The following RIMS1 variants were observed in gnomAD, a reference collection of about 807,000 sequenced individuals.
RIMS1 encodes the protein regulating synaptic membrane exocytosis protein 1.
In RIMS1, 83 loss-of-function variants were observed where a neutral mutation model predicts 214.1. The observed-to-expected ratio is 0.39, with a 90% confidence interval of 0.32 to 0.47. The LOEUF (loss-of-function observed/expected upper bound fraction) is 0.47. RIMS1 is among the 20% of genes least tolerant of loss of function. The pLI, the probability that RIMS1 is intolerant of heterozygous loss-of-function variation, is 0.99. For missense variants in RIMS1, 2,050 were observed against 2,161.8 expected (o/e 0.95, Z 1.03); for synonymous variants, 793 against 786.8 (o/e 1.01, Z -0.13).
At chr6:72,050,802 A>C (rs1188538471) in intron 2 of RIMS1, among the ~76,000 whole-genome samples, 2 of 152,120 alleles carry the variant, frequency 1.3e-5, no homozygotes, top group South Asian at 4.1e-4. Context: ...AGAAGCCTCT[A>C]TGGGAACCTG....
chr6:71,914,204 G>C (rs1777706168), intron 1 of RIMS1, among the ~76,000 whole-genome samples: 1 of 152,116 alleles, frequency 6.6e-6, no homozygotes, highest in Admixed American at 6.6e-5. Context: ...GTACCAGGCA[G>C]ATTATGCTTC....
intron 4 of RIMS1, among the ~76,000 whole-genome samples, chr6:72,105,703 A>T (rs928777670): frequency 2.0e-5 from 3 of 152,188 alleles, no homozygotes; most frequent in African/African-American, 7.2e-5. Context: ...GTATAACTAT[A>T]ATGCTATGTT....
chr6:71,946,005 A>G (rs190900017), intron 1 of RIMS1, among the ~76,000 whole-genome samples: 2 of 152,248 alleles, frequency 1.3e-5, no homozygotes, highest in Admixed American at 1.3e-4. Flanking sequence ...AATTGAGTAG[A>G]GTTACCTGAT....
chr6:72,270,916 T>C (rs1158564370), intron 22 of RIMS1, among the ~76,000 whole-genome samples: 1 of 152,068 alleles, frequency 6.6e-6, no homozygotes, highest in African/African-American at 2.4e-5. Context: ...GGAAAGGAGG[T>C]TCCTACCTAA....
Position 72,240,656 on chromosome 6 carries a change from G to C in RIMS1, c.1958-1658G>C, listed in dbSNP as rs1195051519. 6.2e-4 allele frequency among the ~76,000 whole-genome samples: 56 copies of C among 89,790 alleles called. 1 individual carries two copies. Among genetic ancestry groups the C allele is most frequent in the Admixed American group, 1.5e-3 (10 of 6,548 alleles). 58.9% of individuals were successfully genotyped at this position (89,790 alleles called of 152,430 possible). A position where few individuals can be genotyped will look rare whatever the true frequency, so the allele number is the denominator to read the frequency against. The stretch of plus-strand genomic sequence containing the variant: ...TTTTTTTTTTTTTTTTTTTTTTACA[G>C]TGAAGTATATTCATTGCCTATTTGA... On this transcript the variant is annotated intron_variant, in intron 9 of 33. Transcript: ENST00000521978.
chr6:72,383,950 AAACC>A (rs1279129495), intron 29 of RIMS1, among the ~76,000 whole-genome samples: 2 of 152,214 alleles, frequency 1.3e-5, no homozygotes, highest in Non-Finnish European at 2.9e-5. Context: ...GTGAGTTAAC[AAACC>A]ATTATTGCAT....
At chr6:72,240,236 C>T (rs530062018) in intron 9 of RIMS1, among the ~76,000 whole-genome samples, 5 of 152,104 alleles carry the variant, frequency 3.3e-5, no homozygotes, top group African/African-American at 1.2e-4. Flanking sequence ...TGTAAATAAA[C>T]GTATGTATTA....
intron 23 of RIMS1, among the ~76,000 whole-genome samples, chr6:72,276,756 T>C (rs768015289): frequency 1.3e-5 from 2 of 152,170 alleles, no homozygotes; most frequent in African/African-American, 4.8e-5. Flanking sequence ...AAATGAGAGA[T>C]AAATTATGTC....
chr6:72,400,997 A>G lies in RIMS1; in HGVS notation c.*283A>G, dbSNP rs140634975. On this transcript the variant is annotated 3_prime_UTR_variant, in exon 34 of 34. Transcript: ENST00000521978. ...AAACTTTAAATCCACGCATACACGT[A>G]CACACACACATGCACACACACACAC... 745 of 363,854 alleles carry G rather than the reference A, an allele frequency of 2.0e-3. 2 individuals are homozygous for G. The highest frequency in any genetic ancestry group is 3.3e-3 in the Non-Finnish European group (637 of 194,206). 22.5% of individuals were successfully genotyped at this position (363,854 alleles called of 1,614,324 possible). A position where few individuals can be genotyped will look rare whatever the true frequency, so the allele number is the denominator to read the frequency against.
At chr6:72,328,605 G>GTATAC (rs973051838) in intron 28 of RIMS1, among the ~76,000 whole-genome samples, 1 of 151,452 alleles carries the variant, frequency 6.6e-6, no homozygotes, top group Admixed American at 6.6e-5. Flanking sequence ...CTATCCCTAT[G>GTATAC]GTATACACAA....
chr6:72,126,975 ATGCATAATTTTGAGAATGAAGATCCAGTT>A (rs1483226464), intron 4 of RIMS1, among the ~76,000 whole-genome samples: 11 of 152,194 alleles, frequency 7.2e-5, no homozygotes, highest in African/African-American at 2.4e-4. Flanking sequence ...ATACACGCAC[ATGCATAATTTTGAGAATGAAGATCCAGTT>A]TGCATAATTT....
chr6:71,984,759 A>C (rs1382091890), intron 2 of RIMS1, among the ~76,000 whole-genome samples: 5 of 138,818 alleles, frequency 3.6e-5, no homozygotes, highest in Middle Eastern at 7.2e-3. Flanking sequence ...GTATGTATGT[A>C]TGTATGTATG....
At chr6:72,222,201 T>C (rs964568696) in intron 6 of RIMS1, among the ~76,000 whole-genome samples, 1 of 152,096 alleles carries the variant, frequency 6.6e-6, no homozygotes, top group Non-Finnish European at 1.5e-5. Context: ...TCAGTGCTAA[T>C]GGTTTGCAAT....
intron 4 of RIMS1, among the ~76,000 whole-genome samples, chr6:72,130,196 C>A (rs1356314867): frequency 1.3e-5 from 2 of 152,118 alleles, no homozygotes; most frequent in Non-Finnish European, 2.9e-5. Context: ...TGAGCCCAAA[C>A]TCTCTGACTA....
In RIMS1 at chr6:71,948,264, T is replaced by A. The variant is rs756058353; in HGVS notation, c.165-20719T>A. ...ATCATTAGTGTTGTTCATCAGATAT[T>A]TTTGGTTTTCTTTCTTCTGTGCACT... is the stretch of plus-strand genomic sequence containing the variant. On this transcript the variant is annotated intron_variant, in intron 1 of 33. Transcript: ENST00000521978. Among the ~76,000 whole-genome samples the A allele has an allele frequency of 6.6e-5, 10 of 152,282 alleles. No individual in the cohort carries two copies. The South Asian group carries it at 2.1e-3, about 32-fold the overall frequency.
intron 6 of RIMS1, among the ~76,000 whole-genome samples, chr6:72,219,595 A>C (rs1461362267): frequency 6.6e-6 from 1 of 152,084 alleles, no homozygotes; most frequent in Non-Finnish European, 1.5e-5. Flanking sequence ...TGATATAATG[A>C]CTGGTGAGTT....
At chr6:72,035,851 A>G (rs559530186) in intron 2 of RIMS1, among the ~76,000 whole-genome samples, 30 of 152,170 alleles carry the variant, frequency 2.0e-4, no homozygotes, top group Non-Finnish European at 4.0e-4. Flanking sequence ...CACAGGGGAA[A>G]CTGATGTATT....
In RIMS1 at chr6:72,226,428, C is replaced by A. The variant is rs538111117; in HGVS notation, c.1679-7345C>A. Among the ~76,000 whole-genome samples the A allele has an allele frequency of 2.6e-5, 4 of 152,064 alleles. No individual in the cohort carries two copies. In the South Asian group the frequency reaches 8.3e-4, roughly 32 times the overall value. ...ATCGATTACCCTTTTCAAAGCAAAC[C>A]CACAATGTTTTCTGTTTTCTCAAAG... On this transcript the variant is annotated intron_variant, in intron 6 of 33. Coordinates refer to ENST00000521978, the MANE Select transcript of RIMS1 (RefSeq NM_014989.7).
At chr6:71,927,984 G>A (rs1463972080) in intron 1 of RIMS1, among the ~76,000 whole-genome samples, 1 of 151,980 alleles carries the variant, frequency 6.6e-6, no homozygotes, top group Non-Finnish European at 1.5e-5. Flanking sequence ...AAGTTAGTAT[G>A]GTCTGCAGAA....
Sources: gnomAD v4.1 joint callset for allele counts (sites outside exome capture counted in the v4.1 genomes callset) on GRCh38, gnomAD v4.1.1 for gene constraint, MANE v1.5 for transcripts, NCBI Gene and HGNC (gene_info 2026-07-23, HGNC 2026-07-21) for gene names.